Variants in DARS1 observed in about 807,000 individuals in gnomAD.
DARS1 encodes aspartate--tRNA ligase, cytoplasmic.
Under a neutral mutation model 68.8 loss-of-function variants are expected in DARS1, and 51 were observed. The observed-to-expected ratio is 0.74, with a 90% CI of 0.59 to 0.94. DARS1 has a LOEUF of 0.94. Ranked by LOEUF, DARS1 falls within the 40% of genes least tolerant of loss-of-function variation. The pLI is 0.00. For synonymous variants in DARS1, 203 were observed against 190.4 expected (o/e 1.07, Z -0.55); for missense variants, 607 against 597.3 (o/e 1.02, Z -0.17).
chr2:135,942,860 C>A (rs143299422), intron 5 of DARS1, among the ~76,000 whole-genome samples: 1 of 152,220 alleles, frequency 6.6e-6, no homozygotes, highest in East Asian at 1.9e-4. Flanking sequence ...CATGTATATT[C>A]CCCTGCAATC....
intron 1 of DARS1, among the ~76,000 whole-genome samples, chr2:135,984,472 G>A (rs1474554329): frequency 6.6e-6 from 1 of 152,168 alleles, no homozygotes; most frequent in Non-Finnish European, 1.5e-5. Flanking sequence ...ACATGTTTAA[G>A]GCGCTTACTG....
At position 135,979,337 on chromosome 2, in the gene DARS1, T is replaced by C; in HGVS notation, c.154A>G (p.Thr52Ala). The C allele has an allele frequency of 6.7e-7, 1 of 1,492,576 alleles. No individual in the cohort carries two copies. Among genetic ancestry groups the C allele is most frequent in the Non-Finnish European group, 9.4e-7 (1 of 1,068,782 alleles). 92.5% of individuals were successfully genotyped at this position (1,492,576 alleles called of 1,614,324 possible). A position where few individuals can be genotyped will look rare whatever the true frequency, so the allele number is the denominator to read the frequency against. Residue 52 changes from threonine to alanine, a missense_variant, in exon 3 of 16, where the codon ACA becomes GCA. Coordinates refer to ENST00000264161, the MANE Select transcript of DARS1 (RefSeq NM_001349.4). Reference sequence around the variant, plus strand: ...ACAACTTCATCAGCTTTTTGTATTGTCAAGTCTCTAACCCGAACCAAAACT... The same window carrying C: ...ACAACTTCATCAGCTTTTTGTATTGCCAAGTCTCTAACCCGAACCAAAACT... ...DRVLVRVRDL[T>A]IQKADEVVWV...
intron 3 of DARS1, among the ~76,000 whole-genome samples, chr2:135,963,430 G>T (rs1682143403): frequency 6.6e-6 from 1 of 150,568 alleles, no homozygotes; most frequent in Admixed American, 6.6e-5. Context: ...GGAGTCCAAT[G>T]GCGCTACCTC....
intron 1 of DARS1, among the ~76,000 whole-genome samples, chr2:135,984,751 A>G (rs1682732207): frequency 6.6e-6 from 1 of 152,190 alleles, no homozygotes; most frequent in Admixed American, 6.5e-5. Flanking sequence ...CAGCACACAT[A>G]ACTTGTAGGA....
At chr2:135,935,802 A>G (rs1424406943) in intron 5 of DARS1, among the ~76,000 whole-genome samples, 19 of 152,192 alleles carry the variant, frequency 1.2e-4, no homozygotes, top group Non-Finnish European at 1.5e-5. Flanking sequence ...CACAAACGGG[A>G]AAAATACCTT....
At chr2:135,930,305 T>C (rs981931078) in intron 7 of DARS1, among the ~76,000 whole-genome samples, 1 of 152,176 alleles carries the variant, frequency 6.6e-6, no homozygotes, top group Non-Finnish European at 1.5e-5. Context: ...ATTTCAGAGG[T>C]AGCATTGAGG....
At chr2:135,956,586 A>C (rs1392343343) in intron 4 of DARS1, among the ~76,000 whole-genome samples, 1 of 152,188 alleles carries the variant, frequency 6.6e-6, no homozygotes. Context: ...GTCGAGGCTT[A>C]CCGGAGCAGA....
chr2:135,909,792 A>G (rs977122585), intron 15 of DARS1, among the ~76,000 whole-genome samples: 1 of 152,182 alleles, frequency 6.6e-6, no homozygotes, highest in African/African-American at 2.4e-5. Context: ...TTCATTGTAT[A>G]GATAAAATAG....
intron 7 of DARS1, among the ~76,000 whole-genome samples, chr2:135,928,828 G>C (rs186203396): frequency 6.6e-6 from 1 of 151,680 alleles, no homozygotes; most frequent in Non-Finnish European, 1.5e-5. Flanking sequence ...AAGTAAAGAC[G>C]GGGTTTCACC....
chr2:135,929,104 C>T (rs902599586), intron 7 of DARS1, among the ~76,000 whole-genome samples: 2 of 152,104 alleles, frequency 1.3e-5, no homozygotes, highest in Non-Finnish European at 2.9e-5. Flanking sequence ...GTATGTATGT[C>T]CTATGGAGGG....
At chr2:135,985,265 G>A in intron 1 of DARS1, 138 bp downstream of exon 1, 1 of 1,385,436 alleles carries the variant, frequency 7.2e-7, no homozygotes, top group Non-Finnish European at 9.5e-7. Context: ...AGGGCTCTAG[G>A]CGCCCGGACC....
Position 135,907,242 on chromosome 2 carries a change from C to G in DARS1, c.*74G>C. 33 of 450,592 alleles carry G rather than the reference C, an allele frequency of 7.3e-5. No homozygotes were observed. Among genetic ancestry groups the G allele is most frequent in the Middle Eastern group, 7.6e-4 (1 of 1,314 alleles). 27.9% of individuals were successfully genotyped at this position (450,592 alleles called of 1,614,324 possible). A position where few individuals can be genotyped will look rare whatever the true frequency, so the allele number is the denominator to read the frequency against. On this transcript the variant is annotated 3_prime_UTR_variant, in exon 16 of 16. Coordinates refer to ENST00000264161, the MANE Select transcript of DARS1 (RefSeq NM_001349.4). ...TACTGAAAAGAATAAGTGTGGCTTT[C>G]TTTTTTTTTTTTTTTTTTTGAGGCA...
intron 1 of DARS1, among the ~76,000 whole-genome samples, chr2:135,984,851 G>C (rs1241009515): frequency 6.6e-6 from 1 of 152,146 alleles, no homozygotes; most frequent in African/African-American, 2.4e-5. Flanking sequence ...CACCTCAAAT[G>C]CATTCTCGGT....
chr2:135,963,207 C>T (rs1463515787), intron 3 of DARS1, among the ~76,000 whole-genome samples: 3 of 152,214 alleles, frequency 2.0e-5, no homozygotes, highest in Admixed American at 6.5e-5. Context: ...TATCCTATCA[C>T]TTCCTATGAA....
chr2:135,907,864 G>A (rs768111627), intron 15 of DARS1, among the ~76,000 whole-genome samples: 4 of 152,110 alleles, frequency 2.6e-5, no homozygotes, highest in Admixed American at 6.6e-5. Flanking sequence ...TGGACCCTAC[G>A]ATAAAAAGCT....
At chr2:135,943,509 ATCATC>A in intron 4 of DARS1, 29 bp from the exon 5 acceptor site, 4 of 1,608,648 alleles carry the variant, frequency 2.5e-6, no homozygotes, top group Non-Finnish European at 3.4e-6. Flanking sequence ...CCCAACTTGA[ATCATC>A]TCATCAGAGG....
chr2:135,955,989 T>A (rs751523161), intron 4 of DARS1, among the ~76,000 whole-genome samples: 1 of 152,146 alleles, frequency 6.6e-6, no homozygotes, highest in Non-Finnish European at 1.5e-5. Flanking sequence ...AAGCATAAGC[T>A]TCATTTATAG....
intron 5 of DARS1, 169 bp downstream of exon 5, chr2:135,943,209 C>A: frequency 1.1e-6 from 1 of 918,648 alleles, no homozygotes; most frequent in Non-Finnish European, 1.5e-6. Flanking sequence ...TGTTTCAAGT[C>A]ACTAAGTACT....
rs780105549 is a variant in DARS1, at chr2:135,932,850, A to G, written c.505-8T>C. On this transcript the variant is annotated splice_polypyrimidine_tract_variant and splice_region_variant and intron_variant, in intron 6 of 15. Transcript: ENST00000264161. Reference sequence around the variant, plus strand: ...AACAGTAGCTCTTCCTTCCTAAAAAAAAAAAAAAAGAAAAGAAAAAAATAA... The same window carrying G: ...AACAGTAGCTCTTCCTTCCTAAAAAGAAAAAAAAAGAAAAGAAAAAAATAA... The G allele has an allele frequency of 4.9e-6, 6 of 1,212,298 alleles. No homozygotes were observed. Among genetic ancestry groups the G allele is most frequent in the East Asian group, 2.3e-5 (1 of 42,724 alleles). The allele number at this position is 1,212,298 out of a possible 1,614,324, so 75.1% of individuals were successfully genotyped here. A position where few individuals can be genotyped will look rare whatever the true frequency, so the allele number is the denominator to read the frequency against.
Sources: gnomAD v4.1 joint callset for allele counts (sites outside exome capture counted in the v4.1 genomes callset) on GRCh38, gnomAD v4.1.1 for gene constraint, MANE v1.5 for transcripts, NCBI Gene and HGNC (gene_info 2026-07-23, HGNC 2026-07-21) for gene names.